RALGDS: variants seen among roughly 807,000 people sequenced by gnomAD.
RALGDS encodes the protein ral guanine nucleotide exchange factor.
RALGDS carries 44 observed loss-of-function variants against 99.8 expected under a neutral mutation model. That is an observed-to-expected ratio of 0.44 (90% CI 0.35 to 0.57). The LOEUF is 0.57. Ranked by LOEUF, RALGDS falls within the 20% of genes least tolerant of loss-of-function variation. The probability of loss-of-function intolerance (pLI) is 0.01; values close to 1 mark genes in which losing one functional copy is unlikely to be tolerated. For missense variants in RALGDS, 1,022 were observed against 1,203.1 expected, an observed-to-expected ratio of 0.85 and a Z score of 2.23; for synonymous variants, 529 against 505.0, an observed-to-expected ratio of 1.05 and a Z score of -0.64.
chr9:133,133,286 G>A (rs528272943), upstream of RALGDS, among the ~76,000 whole-genome samples: 1 of 152,290 alleles, frequency 6.6e-6, no homozygotes, highest in African/African-American at 2.4e-5. Context: ...AAAGGCCATC[G>A]AGGGACTGCT....
intron 1 of RALGDS, among the ~76,000 whole-genome samples, chr9:133,145,283 C>A (rs1832603163): frequency 6.6e-6 from 1 of 152,206 alleles, no homozygotes; most frequent in African/African-American, 2.4e-5. Context: ...TCAACCACGA[C>A]CACAGGACAC....
In RALGDS at chr9:133,101,965, C is replaced by T. The variant is rs769538916; in HGVS notation, c.2184G>A (p.Pro728=). The part of the protein sequence containing the change: ...DVEEINISFV[P]ESPDGQEKKF... ...TCTTTTCCTGGCCATCAGGAGACTC[C>T]GGGACGAAGCTGATGTTGATCTCCT... Residue 728 remains proline (P), a synonymous_variant, in exon 15 of 18, where the codon CCG becomes CCA. Transcript: ENST00000372050. 30 of 1,551,262 alleles carry T rather than the reference C, an allele frequency of 1.9e-5. No homozygotes were observed. Among genetic ancestry groups the T allele is most frequent in the South Asian group, 7.1e-5 (6 of 84,094 alleles).
chr9:133,143,771 T>TAATAACAACAACAAC (rs1554745676), intron 1 of RALGDS, among the ~76,000 whole-genome samples: 2 of 111,608 alleles, frequency 1.8e-5, no homozygotes, highest in African/African-American at 7.0e-5. Flanking sequence ...ATAATAATAA[T>TAATAACAACAACAAC]AACAACAACA....
chr9:133,136,402 C>T (rs1157845526), intron 1 of RALGDS, among the ~76,000 whole-genome samples: 2 of 152,124 alleles, frequency 1.3e-5, no homozygotes, highest in Non-Finnish European at 2.9e-5. Flanking sequence ...CTTTGGGAGG[C>T]CAAGGCAAGT....
chr9:133,132,074 T>C (rs1832343650), upstream of RALGDS, among the ~76,000 whole-genome samples: 1 of 152,236 alleles, frequency 6.6e-6, no homozygotes, highest in South Asian at 2.1e-4. Context: ...ACTCCATCCC[T>C]GGCAGCAAGG....
intron 17 of RALGDS, chr9:133,099,081 G>A: frequency 2.7e-6 from 1 of 368,378 alleles, no homozygotes; most frequent in Non-Finnish European, 5.2e-6. Flanking sequence ...AGGCTTTCTA[G>A]AATCCAGGTC....
chr9:133,101,809 A>AC, intron 15 of RALGDS, 47 bp from the exon 16 acceptor site: 6 of 1,563,044 alleles, frequency 3.8e-6, no homozygotes, highest in Non-Finnish European at 4.3e-6. Flanking sequence ...CTGTGGGGGC[A>AC]CCCCAGGCCA....
At chr9:133,105,820 CCCCAGCCCCCG>C in intron 9 of RALGDS, 101 bp downstream of exon 9, 3 of 230,940 alleles carry the variant, frequency 1.3e-5, no homozygotes, top group South Asian at 1.1e-4. Flanking sequence ...CCGCCCGCCG[CCCCAGCCCCCG>C]CCCCAGCCCC....
rs771418767 is a variant in RALGDS, at chr9:133,100,327, T to C, written c.2510A>G (p.Asn837Ser). Residue 837 changes from asparagine to serine, a missense_variant, in exon 17 of 18, where the codon AAC becomes AGC. Physicochemically the swap from Asn to Ser is conservative, Grantham distance 46. Around this residue, in one of 3 missense-constraint regions of RALGDS, gnomAD observed 825 missense variants for 994.5 expected, o/e 0.83. Transcript: ENST00000372050. ...AVIRKAMDKHNLEEEEPEDYE... is the reference protein window; with the variant it reads ...AVIRKAMDKHSLEEEEPEDYE... ...GTCCTCCGGCTCCTCCTCCTCCAGG[T>C]TGTGTTTGTCCATGGCCTTGCGGAT... 8.1e-6 allele frequency: 13 copies of C among 1,614,116 alleles called. No homozygotes were observed. The East Asian group carries it at 2.9e-4, about 36-fold the overall frequency.
chr9:133,106,498 G>A (rs1285021256), intron 8 of RALGDS, 147 bp downstream of exon 8: 4 of 640,164 alleles, frequency 6.2e-6, no homozygotes, highest in Non-Finnish European at 1.1e-5. Flanking sequence ...AGGAAGCCGA[G>A]CTCTGAGGCA....
intron 5 of RALGDS, 121 bp downstream of exon 5, chr9:133,108,552 G>T: frequency 7.0e-7 from 1 of 1,434,134 alleles, no homozygotes; most frequent in Non-Finnish European, 9.6e-7. Context: ...GTCCCTGCCT[G>T]TGTGGTCTGA....
chr9:133,106,855 G>A, intron 7 of RALGDS, 107 bp from the exon 8 acceptor site: 2 of 990,788 alleles, frequency 2.0e-6, no homozygotes, highest in Non-Finnish European at 3.1e-6. Flanking sequence ...AGACACCCAG[G>A]GAGTCCCCAG....
At chr9:133,148,327 C>G (rs1013304469) in intron 1 of RALGDS, among the ~76,000 whole-genome samples, 5 of 152,232 alleles carry the variant, frequency 3.3e-5, no homozygotes, top group African/African-American at 1.2e-4. Flanking sequence ...TCTGTCCTCT[C>G]CAGGCTGCCC....
At chr9:133,140,565 A>C (rs983240245) in intron 1 of RALGDS, among the ~76,000 whole-genome samples, 2 of 152,104 alleles carry the variant, frequency 1.3e-5, no homozygotes, top group African/African-American at 4.8e-5. Flanking sequence ...GGTGCCCTCC[A>C]GCAGGCAGTG....
chr9:133,131,532 C>T (rs563706355), upstream of RALGDS, among the ~76,000 whole-genome samples: 59 of 152,196 alleles, frequency 3.9e-4, no homozygotes, highest in African/African-American at 1.2e-3. Flanking sequence ...TCTCAGGACT[C>T]GGCCCCCAGT....
intron 2 of RALGDS, 46 bp downstream of exon 2, chr9:133,111,996 G>A (rs775043910): frequency 7.0e-7 from 1 of 1,426,536 alleles, no homozygotes; most frequent in Non-Finnish European, 9.7e-7. Flanking sequence ...AGTCCTGGGA[G>A]GGATCCCCAG....
At chr9:133,110,631 A>G (rs1237836010) in intron 2 of RALGDS, 142 bp from the exon 3 acceptor site, 1 of 790,418 alleles carries the variant, frequency 1.3e-6, no homozygotes, top group African/African-American at 1.7e-5. Context: ...TCAGCTTTAA[A>G]AGTAGAATTT....
Position 133,102,547 on chromosome 9 carries a change from C to T in RALGDS, c.1938G>A (p.Glu646=), listed in dbSNP as rs761535818. Residue 646 remains glutamate (E), a synonymous_variant, in exon 14 of 18, where the codon GAG becomes GAA. Transcript: ENST00000372050. The stretch of plus-strand genomic sequence containing the variant: ...TGTTGCTGGCTGACTCGGATGGGGG[C>T]TCCAGCTCGCACGACAGGTTGTAGC... ...TESYNLSCEL[E]PPSESASNTL... is the part of the protein sequence containing the mutation. The T allele has an allele frequency of 1.9e-6, 3 of 1,614,066 alleles. No homozygotes were observed. The highest frequency in any genetic ancestry group is 1.1e-5 in the South Asian group (1 of 91,092).
chr9:133,137,443 A>G (rs377647785), intron 1 of RALGDS, among the ~76,000 whole-genome samples: 4 of 152,316 alleles, frequency 2.6e-5, no homozygotes, highest in African/African-American at 9.6e-5. Flanking sequence ...TCTTGTGGGA[A>G]GATCACCAGG....
Sources: gnomAD v4.1 joint callset for allele counts (sites outside exome capture counted in the v4.1 genomes callset) on GRCh38, gnomAD v4.1.1 for gene constraint, gnomAD v4.1.1 regional missense constraint, MANE v1.5 for transcripts, NCBI Gene and HGNC (gene_info 2026-07-23, HGNC 2026-07-21) for gene names.